KLHL13: variants seen among roughly 807,000 people sequenced by gnomAD.
The protein encoded by KLHL13 is kelch-like protein 13.
Under a neutral mutation model 37.1 loss-of-function variants are expected in KLHL13, and 10 were observed. The observed-to-expected ratio is 0.27, with a 90% confidence interval of 0.17 to 0.46. KLHL13 has a LOEUF of 0.46. Among genes scored for constraint, KLHL13 ranks in the 20% least tolerant of loss-of-function variants. The pLI is 1.00. For synonymous variants in KLHL13, 163 were observed against 181.2 expected, an observed-to-expected ratio of 0.90 and a Z score of 0.81; for missense variants, 360 against 509.3, an observed-to-expected ratio of 0.71 and a Z score of 2.82.
intron 1 of KLHL13, among the ~76,000 whole-genome samples, chrX:118,103,106 T>C (rs2055308330): frequency 8.9e-6 from 1 of 112,027 alleles, no homozygotes; most frequent in Admixed American, 9.5e-5. Context: ...ATCATACATA[T>C]ATGCCAGAAT....
Position 117,932,281 on chromosome X carries a change from T to C in KLHL13, c.241-11911A>G, listed in dbSNP as rs772657498. On this transcript the variant is annotated intron_variant, in intron 2 of 6. Transcript: ENST00000262820. ...CCTACTGTGTAACAGAAAACCAAAA[T>C]TTATTCTTCCTAACTGTAGCTTTGT... Among the ~76,000 whole-genome samples, 3 of 111,066 alleles carry C rather than the reference T, an allele frequency of 2.7e-5. No homozygotes were observed. The East Asian group carries it at 8.5e-4, about 31-fold the overall frequency.
intron 1 of KLHL13, among the ~76,000 whole-genome samples, chrX:118,032,338 CCTGT>C (rs936298048): frequency 3.6e-5 from 4 of 112,121 alleles, no homozygotes; most frequent in African/African-American, 1.3e-4. Flanking sequence ...CTTAAATGTC[CCTGT>C]CTGACAGCTT....
At chrX:118,067,814 G>T (rs1233695743) in intron 1 of KLHL13, among the ~76,000 whole-genome samples, 1 of 110,885 alleles carries the variant, frequency 9.0e-6, no homozygotes, top group Non-Finnish European at 1.9e-5. Flanking sequence ...AATACCTTCC[G>T]AAGGACCTGC....
chrX:117,983,430 G>A lies in KLHL13; in HGVS notation c.-55-37855C>T, dbSNP rs1169142585. 11 of 750,041 alleles carry A rather than the reference G, an allele frequency of 1.5e-5. No individual in the cohort carries two copies. In the Admixed American group the frequency reaches 2.2e-4, roughly 15 times the overall value. 61.8% of individuals were successfully genotyped at this position (750,041 alleles called of 1,213,427 possible). ...CAGGGTCTTTCATGAAAACCAATTC[G>A]CACTGAAAAAAAAAAAAAGGTGAGG... On this transcript the variant is annotated intron_variant, in intron 1 of 6. Transcript: ENST00000371882.
chrX:118,012,177 G>C (rs7879475), intron 1 of KLHL13, among the ~76,000 whole-genome samples: 2,979 of 111,365 alleles, frequency 0.027, 97 homozygotes, highest in African/African-American at 0.092. Context: ...CTTATATCAA[G>C]TCAGAAATTA....
At chrX:117,910,925 A>G (rs1930943853) in intron 4 of KLHL13, among the ~76,000 whole-genome samples, 1 of 111,804 alleles carries the variant, frequency 8.9e-6, no homozygotes, top group East Asian at 2.8e-4. Context: ...TATACCATAA[A>G]GTGAAAAGCT....
At chrX:118,068,728 C>A (rs1040183518) in intron 1 of KLHL13, among the ~76,000 whole-genome samples, 4 of 111,559 alleles carry the variant, frequency 3.6e-5, no homozygotes, top group Non-Finnish European at 5.6e-5. Context: ...GCACTGAGAG[C>A]TAATGCTAGA....
At chrX:118,116,769 CGGCCGCA>C (rs1348833011) in exon 1 of KLHL13, 2 of 107,373 alleles carry the variant, frequency 1.9e-5, no homozygotes, top group African/African-American at 3.4e-5. Context: ...TGAGCTACTG[CGGCCGCA>C]GCGGCAGAGC....
At chrX:118,021,691 A>G (rs1419726286) in intron 1 of KLHL13, among the ~76,000 whole-genome samples, 7 of 109,029 alleles carry the variant, frequency 6.4e-5, no homozygotes, top group Non-Finnish European at 7.5e-5. Context: ...ATAGTGTCGC[A>G]ATAAACATAC....
At chrX:118,108,227 T>C (rs2055367285) in intron 1 of KLHL13, among the ~76,000 whole-genome samples, 2 of 112,159 alleles carry the variant, frequency 1.8e-5, no homozygotes, top group Non-Finnish European at 3.8e-5. Context: ...ACTTCACCTG[T>C]AGACGATAAA....
chrX:117,989,790 T>A (rs542633308), intron 1 of KLHL13, among the ~76,000 whole-genome samples: 4 of 111,537 alleles, frequency 3.6e-5, no homozygotes, highest in African/African-American at 1.3e-4. Flanking sequence ...CAAGCAAACC[T>A]CCCTCAGTGA....
intron 3 of KLHL13, 102 bp from the exon 5 acceptor site, chrX:117,919,819 T>C (rs1181901991): frequency 5.1e-6 from 3 of 588,015 alleles, no homozygotes; most frequent in Admixed American, 7.4e-5. Flanking sequence ...AGTCTTATCT[T>C]ATATAAGCAG....
chrX:118,096,318 A>G (rs1402326959), intron 1 of KLHL13, among the ~76,000 whole-genome samples: 2 of 112,083 alleles, frequency 1.8e-5, no homozygotes, highest in African/African-American at 3.2e-5. Flanking sequence ...CAAATAAACT[A>G]GAAAATCTAG....
chrX:118,007,243 C>T (rs1427962828), intron 1 of KLHL13, among the ~76,000 whole-genome samples: 3 of 108,703 alleles, frequency 2.8e-5, no homozygotes, highest in African/African-American at 1.0e-4. Context: ...GACCCCATCT[C>T]TACAAAATAG....
chrX:117,980,630 C>T lies in KLHL13; in HGVS notation c.-55-35055G>A, dbSNP rs185476767. ...AGCAGCACTTTCACAGAAAGCTAAT[C>T]CTAATGACTAATTAAGACTATTTAA... On this transcript the variant is annotated intron_variant, in intron 1 of 6. Coordinates refer to the KLHL13 transcript ENST00000371882. Among the ~76,000 whole-genome samples, 164 of 111,308 alleles carry T rather than the reference C, an allele frequency of 1.5e-3. 2 individuals are homozygous for T. Among genetic ancestry groups the T allele is most frequent in the African/African-American group, 5.2e-3 (159 of 30,723 alleles).
chrX:117,959,247 C>T (rs1414504244), intron 1 of KLHL13, among the ~76,000 whole-genome samples: 6 of 112,118 alleles, frequency 5.4e-5, no homozygotes, highest in Non-Finnish European at 1.1e-4. Flanking sequence ...ACTGCATGCA[C>T]GCACCCTCTG....
intron 1 of KLHL13, among the ~76,000 whole-genome samples, chrX:118,032,380 G>C (rs58522571): frequency 8.9e-6 from 1 of 111,740 alleles, no homozygotes; most frequent in Non-Finnish European, 1.9e-5. Context: ...CTCCCAGCAC[G>C]CAGCTGGAGA....
intron 1 of KLHL13, among the ~76,000 whole-genome samples, chrX:117,986,078 C>G (rs1358784026): frequency 2.7e-5 from 3 of 111,310 alleles, no homozygotes; most frequent in Admixed American, 1.9e-4. Flanking sequence ...AAAGGTGAAC[C>G]AGACACAATC....
At chrX:118,084,051 G>A (rs2055027182) in intron 1 of KLHL13, among the ~76,000 whole-genome samples, 2 of 111,693 alleles carry the variant, frequency 1.8e-5, no homozygotes, top group African/African-American at 6.5e-5. Context: ...TTGTTGTAGT[G>A]GCTCATGCCT....
Sources: gnomAD v4.1 joint callset for allele counts (sites outside exome capture counted in the v4.1 genomes callset) on GRCh38, gnomAD v4.1.1 for gene constraint, MANE v1.5 for transcripts, NCBI Gene and HGNC (gene_info 2026-07-23, HGNC 2026-07-21) for gene names.